Variants in NBL1 observed in about 807,000 individuals in gnomAD.
NBL1 encodes the protein neuroblastoma suppressor of tumorigenicity 1.
Under a neutral mutation model 16.0 loss-of-function variants are expected in NBL1, and 9 were observed. The observed-to-expected ratio is 0.56, with a 90% CI of 0.34 to 0.98. The LOEUF is 0.98. Among genes scored for constraint, NBL1 ranks in the 50% least tolerant of loss-of-function variants. The probability of loss-of-function intolerance (pLI) is 0.02; values close to 1 mark genes in which losing one functional copy is unlikely to be tolerated. For synonymous variants in NBL1, 86 were observed against 100.7 expected, an observed-to-expected ratio of 0.85 and a Z score of 0.87; for missense variants, 196 against 243.1, an observed-to-expected ratio of 0.81 and a Z score of 1.29.
Position 19,657,003 on chromosome 1 carries a change from C to A in NBL1, c.420C>A (p.Asp140Glu), listed in dbSNP as rs778808881. 8.2e-6 allele frequency: 13 copies of A among 1,592,592 alleles called. No individual in the cohort carries two copies. The African/African-American group carries it at 1.3e-4, about 16-fold the overall frequency. Residue 140 changes from aspartate (D) to glutamate (E), a missense_variant, in exon 4 of 4, where the codon GAC becomes GAA. Coordinates refer to ENST00000375136, the MANE Select transcript of NBL1 (RefSeq NM_005380.8). Reference protein sequence around the residue: ...EGLSVYVQGEDGPGSQPGTHP... With the variant: ...EGLSVYVQGEEGPGSQPGTHP... ...TGAGCGTCTATGTGCAGGGCGAGGA[C>A]GGGCCGGGATCCCAGCCCGGCACCC...
At chr1:19,653,961 T>A (rs767868563) in intron 1 of NBL1, among the ~76,000 whole-genome samples, 1 of 152,202 alleles carries the variant, frequency 6.6e-6, no homozygotes, top group Non-Finnish European at 1.5e-5. Flanking sequence ...TTTGATTGGC[T>A]CCCGCTTGAC....
intron 1 of NBL1, among the ~76,000 whole-genome samples, chr1:19,652,699 G>C (rs1466573989): frequency 1.3e-5 from 2 of 152,114 alleles, no homozygotes; most frequent in African/African-American, 4.8e-5. Flanking sequence ...TAAAGTACTT[G>C]GCTCTGGGCT....
At chr1:19,650,630 G>A (rs1290199967) in intron 1 of NBL1, among the ~76,000 whole-genome samples, 2 of 152,120 alleles carry the variant, frequency 1.3e-5, no homozygotes, top group Non-Finnish European at 2.9e-5. Context: ...TCCCGCCCTC[G>A]CTTTTGGGGA....
In NBL1 at chr1:19,656,970, C is replaced by A; in HGVS notation, c.387C>A (p.His129Gln). 2 of 1,611,022 alleles carry A rather than the reference C, an allele frequency of 1.2e-6. No individual in the cohort carries two copies. The highest frequency in any genetic ancestry group is 1.7e-6 in the Non-Finnish European group (2 of 1,178,808). ...AGGCCTGCGGCAAGGAGCCTAGTCA[C>A]GAGGGGCTGAGCGTCTATGTGCAGG... is the stretch of plus-strand genomic sequence containing the variant. ...SCQACGKEPS[H>Q]EGLSVYVQGE... Residue 129 changes from histidine to glutamine, a missense_variant, in exon 4 of 4, where the codon CAC (histidine) becomes CAA (glutamine). By Grantham distance (24) the His-to-Gln change is conservative (BLOSUM62 0). Coordinates refer to ENST00000375136, the MANE Select transcript of NBL1 (RefSeq NM_005380.8).
chr1:19,655,449 G>A lies in NBL1; in HGVS notation c.282+14G>A. 3.7e-6 allele frequency: 6 copies of A among 1,613,470 alleles called. No homozygotes were observed. The highest frequency in any genetic ancestry group is 4.2e-6 in the Non-Finnish European group (5 of 1,179,792). Reference sequence around the variant, plus strand: ...ATGTGGGAGATTGTGAGTACTGCCTGCCTGCCCCACCCAGTCTCGGCCCGG... The same window carrying A: ...ATGTGGGAGATTGTGAGTACTGCCTACCTGCCCCACCCAGTCTCGGCCCGG... On this transcript the variant is annotated intron_variant, in intron 3 of 3. Transcript: ENST00000375136.
At chr1:19,650,617 C>T (rs2095017916) in intron 1 of NBL1, among the ~76,000 whole-genome samples, 1 of 152,202 alleles carries the variant, frequency 6.6e-6, no homozygotes, top group African/African-American at 2.4e-5. Context: ...CTCCAACTTT[C>T]CTTCCCGCCC....
chr1:19,650,561 G>A (rs886560352), intron 1 of NBL1, among the ~76,000 whole-genome samples: 5 of 152,168 alleles, frequency 3.3e-5, no homozygotes, highest in African/African-American at 9.6e-5. Context: ...CTTGCTGGGG[G>A]CCTTGGGACA....
chr1:19,645,961 T>C (rs1218835144), intron 1 of NBL1: 1 of 1,550,492 alleles, frequency 6.4e-7, no homozygotes, highest in Non-Finnish European at 8.7e-7. Flanking sequence ...ATGTGCAGCC[T>C]GGCCCTGCAG....
At chr1:19,656,778 A>G (rs550714795) in intron 3 of NBL1, 88 bp from the exon 4 acceptor site, 3 of 1,464,278 alleles carry the variant, frequency 2.0e-6, no homozygotes, top group Non-Finnish European at 2.7e-6. Flanking sequence ...GGGATTCTTG[A>G]TCCCATGAGG....
intron 1 of NBL1, chr1:19,645,564 G>A (rs1427310429): frequency 2.0e-6 from 2 of 1,017,284 alleles, no homozygotes; most frequent in East Asian, 9.4e-5. Flanking sequence ...GGGCGCTGGC[G>A]GGGAAGCAAT....
At chr1:19,647,449 G>C (rs2094987822) in intron 1 of NBL1, among the ~76,000 whole-genome samples, 1 of 152,100 alleles carries the variant, frequency 6.6e-6, no homozygotes, top group African/African-American at 2.4e-5. Flanking sequence ...AAGATAAAAA[G>C]AGAAAGATTA....
intron 3 of NBL1, 85 bp from the exon 4 acceptor site, chr1:19,656,781 C>T: frequency 6.8e-7 from 1 of 1,469,314 alleles, no homozygotes; most frequent in Non-Finnish European, 9.1e-7. Flanking sequence ...ATTCTTGATC[C>T]CATGAGGAAG....
chr1:19,650,293 C>T (rs914145952), intron 1 of NBL1, among the ~76,000 whole-genome samples: 10 of 152,196 alleles, frequency 6.6e-5, no homozygotes, highest in East Asian at 3.8e-4. Flanking sequence ...ACTATAGTTG[C>T]GCTCTTATAT....
chr1:19,643,506 C>T, upstream of NBL1: 1 of 1,528,168 alleles, frequency 6.5e-7, no homozygotes, highest in East Asian at 2.4e-5. This position sits in a 1 kb window ranked among gnomAD's most constrained non-coding sequence, Gnocchi z 4.7. Flanking sequence ...CGTTGTTAAG[C>T]ACACAGAATA....
rs1000916357 is a variant in NBL1, at chr1:19,644,502, G to T, written c.-20+56G>T. 1.3e-5 allele frequency: 12 copies of T among 932,484 alleles called. No individual in the cohort carries two copies. The African/African-American group carries it at 2.0e-4, about 15-fold the overall frequency. The allele number at this position is 932,484 out of a possible 1,614,324, so 57.8% of individuals were successfully genotyped here. ...CCCGGCTTCCAGAGGCTTCGGCCGCGGGGGCAGTGCCGCGCCCCCAGCCCG... is the reference window on the plus strand; with the variant it reads ...CCCGGCTTCCAGAGGCTTCGGCCGCTGGGGCAGTGCCGCGCCCCCAGCCCG... On this transcript the variant is annotated intron_variant, in intron 1 of 3. Coordinates refer to ENST00000375136, the MANE Select transcript of NBL1 (RefSeq NM_005380.8). The surrounding 1 kb of genome is among the most constrained non-coding windows in gnomAD (Gnocchi z 4.6).
At chr1:19,648,202 A>G (rs1225696367) in intron 1 of NBL1, among the ~76,000 whole-genome samples, 1 of 152,078 alleles carries the variant, frequency 6.6e-6, no homozygotes, top group African/African-American at 2.4e-5. Flanking sequence ...GGAAGAAGTA[A>G]GTGTTCCTTG....
intron 1 of NBL1, among the ~76,000 whole-genome samples, chr1:19,647,441 G>C (rs2094987755): frequency 6.6e-6 from 1 of 152,032 alleles, no homozygotes; most frequent in Middle Eastern, 3.2e-3. Context: ...AAAACATAAA[G>C]ATAAAAAGAG....
upstream of NBL1, chr1:19,644,035 C>A (rs1349170875): frequency 1.0e-6 from 1 of 981,244 alleles, no homozygotes; most frequent in South Asian, 4.7e-5. The surrounding 1 kb of genome is among the most constrained non-coding windows in gnomAD (Gnocchi z 4.6). Flanking sequence ...CCCGGCTGGG[C>A]TGCCCTGCCT....
rs1553315005 is a variant in NBL1 at position 19,657,369 on chromosome 1, T to TTG, written c.*241_*242dup. The stretch of plus-strand genomic sequence containing the variant: ...AGCAGAGGTCTTCAGGGCTCTTTTT[T>TTG]TGGGGGGGGTGGTCTCTTCCTGTCT... On this transcript the variant is annotated 3_prime_UTR_variant, in exon 4 of 4. Transcript: ENST00000375136. The TTG allele has an allele frequency of 1.2e-4, 8 of 66,550 alleles. No homozygotes were observed. The highest frequency in any genetic ancestry group is 5.3e-4 in the East Asian group (3 of 5,696). The allele number at this position is 66,550 out of a possible 1,614,324, so 4.1% of individuals were successfully genotyped here. A position where few individuals can be genotyped will look rare whatever the true frequency, so the allele number is the denominator to read the frequency against.
Sources: gnomAD v4.1 joint callset for allele counts (sites outside exome capture counted in the v4.1 genomes callset) on GRCh38, gnomAD v4.1.1 for gene constraint, Gnocchi (gnomAD v3.1) non-coding constraint, MANE v1.5 for transcripts, NCBI Gene and HGNC (gene_info 2026-07-23, HGNC 2026-07-21) for gene names.